MYH15: variants seen among roughly 807,000 people sequenced by gnomAD.
The protein encoded by MYH15 is myosin heavy chain 15, also known as myosin-15.
A neutral mutation model predicts 240.5 loss-of-function variants in MYH15; 227 were observed. The observed-to-expected ratio is 0.94, with a 90% CI of 0.85 to 1.05. The LOEUF (loss-of-function observed/expected upper bound fraction) is 1.05, where lower values mean the gene tolerates loss of function less well. Among genes scored for constraint, MYH15 ranks in the 50% least tolerant of loss-of-function variants. The pLI is 0.00. For missense variants in MYH15, 2,217 were observed against 2,247.5 expected (o/e 0.99, Z 0.27); for synonymous variants, 785 against 796.7 (o/e 0.99, Z 0.25).
intron 1 of MYH15, 107 bp downstream of exon 1, chr3:108,510,336 A>G (rs561132897): frequency 2.0e-5 from 29 of 1,427,524 alleles, no homozygotes; most frequent in Admixed American, 2.3e-5. Context: ...CCCTAAGCAA[A>G]TAAGTTAGGC....
chr3:108,451,973 T>C (rs1257522598), intron 21 of MYH15, among the ~76,000 whole-genome samples: 6 of 117,018 alleles, frequency 5.1e-5, no homozygotes. Context: ...GTCCTTCATA[T>C]AATAAGTCAT....
intron 14 of MYH15, among the ~76,000 whole-genome samples, chr3:108,469,211 T>G (rs979411482): frequency 6.6e-6 from 1 of 152,174 alleles, no homozygotes; most frequent in Non-Finnish European, 1.5e-5. Flanking sequence ...TTGCCCTAGC[T>G]CCTTCCTAGC....
chr3:108,400,551 G>A (rs1202908518), intron 33 of MYH15, among the ~76,000 whole-genome samples: 3 of 152,202 alleles, frequency 2.0e-5, no homozygotes, highest in Admixed American at 2.0e-4. Flanking sequence ...TACAGGCCGG[G>A]CGCAGTGGCT....
Position 108,518,242 on chromosome 3 carries a change from G to A in MYH15, c.-57-7655C>T, listed in dbSNP as rs546391193. 1.1e-4 allele frequency among the ~76,000 whole-genome samples: 16 copies of A among 152,310 alleles called. No homozygotes were observed. The South Asian group carries it at 3.1e-3, about 30-fold the overall frequency. ...ACTGAGTCTCAGAGAACTAGCAAGT[G>A]TTATCTCTAGTTTTAAATCCAGATA... is the stretch of plus-strand genomic sequence containing the variant. On this transcript the variant is annotated intron_variant, in intron 1 of 41. Transcript: ENST00000273353.
rs563307349 is a variant in MYH15, at chr3:108,477,522, T to C, written c.1115-1007A>G. ...TCAAGAAACAGAATCTTTTAAAAAT[T>C]GAGATATAATTTGTCTGAAGGACAT... On this transcript the variant is annotated intron_variant, in intron 11 of 40. Coordinates refer to ENST00000693548, the MANE Select transcript of MYH15 (RefSeq NM_014981.3). Among the ~76,000 whole-genome samples the C allele has an allele frequency of 3.9e-5, 6 of 152,308 alleles. No individual in the cohort carries two copies. In the South Asian group the frequency reaches 1.2e-3, roughly 32 times the overall value.
chr3:108,531,776 CTAAATAAATAAA>C (rs71103476), upstream of MYH15, among the ~76,000 whole-genome samples: 25 of 148,138 alleles, frequency 1.7e-4, no homozygotes, highest in Non-Finnish European at 1.5e-5. Flanking sequence ...GACCCCATCT[CTAAATAAATAAA>C]TAAATAAATA....
intron 23 of MYH15, among the ~76,000 whole-genome samples, chr3:108,440,240 A>G (rs2082874280): frequency 6.6e-6 from 1 of 152,222 alleles, no homozygotes; most frequent in South Asian, 2.1e-4. Context: ...ATTATATAAC[A>G]GTAACAACAC....
chr3:108,419,531 C>T (rs568064885), intron 28 of MYH15, among the ~76,000 whole-genome samples: 1 of 152,322 alleles, frequency 6.6e-6, no homozygotes, highest in African/African-American at 2.4e-5. Flanking sequence ...GCCAGACATC[C>T]AGGTATTCTC....
chr3:108,489,237 G>C (rs1466802081), intron 9 of MYH15, among the ~76,000 whole-genome samples: 2 of 152,140 alleles, frequency 1.3e-5, no homozygotes, highest in Non-Finnish European at 2.9e-5. Context: ...CACAATTGTT[G>C]TATACTTTAT....
intron 35 of MYH15, 152 bp from the exon 36 acceptor site, chr3:108,394,308 G>C: frequency 1.0e-6 from 1 of 990,920 alleles, no homozygotes; most frequent in Non-Finnish European, 1.5e-6. Flanking sequence ...TCCCAATCCC[G>C]AAAGGCTTTT....
chr3:108,464,217 T>G (rs1403368337), intron 15 of MYH15, among the ~76,000 whole-genome samples: 1 of 152,094 alleles, frequency 6.6e-6, no homozygotes, highest in African/African-American at 2.4e-5. Flanking sequence ...TTAGAAACCG[T>G]TTTTGGCCAT....
chr3:108,539,267 T>C, the MYH15 span, among the ~76,000 whole-genome samples: 3 of 152,178 alleles, frequency 2.0e-5, no homozygotes, highest in African/African-American at 7.2e-5. Context: ...TCCATATATA[T>C]AAAGCTCAAA....
At chr3:108,468,207 C>CACCTGA (rs1484326442) in intron 14 of MYH15, among the ~76,000 whole-genome samples, 1 of 152,172 alleles carries the variant, frequency 6.6e-6, no homozygotes, top group Non-Finnish European at 1.5e-5. Context: ...CTCAAGTGAT[C>CACCTGA]CACTCACCTT....
chr3:108,515,913 G>C (rs538586938), intron 1 of MYH15, among the ~76,000 whole-genome samples: 2 of 152,262 alleles, frequency 1.3e-5, no homozygotes, highest in South Asian at 4.1e-4. Context: ...CAAGGGAATT[G>C]TCTATTTAGA....
rs928160842 is a variant in MYH15 at position 108,499,489 on chromosome 3, A to C, written c.497-7T>G. The C allele has an allele frequency of 6.2e-7, 1 of 1,612,674 alleles. No homozygotes were observed. Among genetic ancestry groups the C allele is most frequent in the African/African-American group, 1.3e-5 (1 of 75,000 alleles). ...ATAGACTGATTTTCTCGATCTACAAAAGAAAGAAAAATGCCAGAATATTCT... is the reference window on the plus strand; with the variant it reads ...ATAGACTGATTTTCTCGATCTACAACAGAAAGAAAAATGCCAGAATATTCT... On this transcript the variant is annotated splice_region_variant and splice_polypyrimidine_tract_variant and intron_variant, in intron 4 of 40. Coordinates refer to ENST00000693548, the MANE Select transcript of MYH15 (RefSeq NM_014981.3).
chr3:108,523,616 G>T (rs2083641306), intron 1 of MYH15, among the ~76,000 whole-genome samples: 1 of 151,600 alleles, frequency 6.6e-6, no homozygotes, highest in African/African-American at 2.4e-5. Context: ...TCTTGCTACA[G>T]CCCATATTAG....
At chr3:108,546,935 T>C in the MYH15 span, among the ~76,000 whole-genome samples, 2 of 152,158 alleles carry the variant, frequency 1.3e-5, no homozygotes, top group Non-Finnish European at 2.9e-5. Flanking sequence ...GTGATTTGCA[T>C]GTTGAAAATA....
rs1226104113 is a variant in MYH15, at chr3:108,399,241, G to T, written c.4763C>A (p.Ser1588Tyr). 2 of 1,613,910 alleles carry T rather than the reference G, an allele frequency of 1.2e-6. No individual in the cohort carries two copies. The highest frequency in any genetic ancestry group is 1.7e-6 in the Non-Finnish European group (2 of 1,179,934). ...TTCAGAATCCAGACTAGACTGCAGG[G>T]AGTCAATGGTACACTGCTGCTTCCT... is the stretch of plus-strand genomic sequence containing the variant. Reference protein sequence around the residue: ...FRRKQQCTIDSLQSSLDSEAK... With the variant: ...FRRKQQCTIDYLQSSLDSEAK... The change falls in exon 34 of 41, where the codon TCC (serine) becomes TAC (tyrosine). Residue 1588 changes from serine to tyrosine, a missense_variant. Physicochemically the swap from Ser to Tyr is moderately radical, Grantham distance 144. Transcript: ENST00000693548.
Position 108,405,400 on chromosome 3 carries a change from C to T in MYH15, c.4674G>A (p.Leu1558=). The T allele has an allele frequency of 6.6e-7, 1 of 1,524,698 alleles. No homozygotes were observed. Among genetic ancestry groups the T allele is most frequent in the Non-Finnish European group, 8.9e-7 (1 of 1,121,752 alleles). The allele number at this position is 1,524,698 out of a possible 1,614,324, so 94.4% of individuals were successfully genotyped here. A position where few individuals can be genotyped will look rare whatever the true frequency, so the allele number is the denominator to read the frequency against. ...TTCTTTCAAGTTCTGCTTTAGCTTC[C>T]AAGAGTTCAAGCTGGAAATGAAGAA... ...SKILHFQLEL[L]EAKAELERKL... Residue 1558 remains leucine, a synonymous_variant, in exon 33 of 41, where the codon TTG becomes TTA. Transcript: ENST00000693548.
Sources: allele counts gnomAD v4.1 joint callset (sites outside exome capture counted in the v4.1 genomes callset), GRCh38; gene constraint gnomAD v4.1.1; transcripts MANE v1.5; gene names NCBI Gene and HGNC (gene_info 2026-07-23, HGNC 2026-07-21).